Variants in ZMIZ2 observed in about 807,000 individuals in gnomAD.
The protein encoded by ZMIZ2 is zinc finger MIZ-type containing 2, also known as zinc finger MIZ domain-containing protein 2.
ZMIZ2 carries 26 observed loss-of-function variants against 93.9 expected under a neutral mutation model. That is an observed-to-expected ratio of 0.28 (90% CI 0.20 to 0.38). ZMIZ2 has a LOEUF of 0.38. ZMIZ2 is among the 10% of genes least tolerant of loss of function. ZMIZ2 has a pLI of 1.00. For synonymous variants in ZMIZ2, 485 were observed against 516.4 expected (o/e 0.94, Z 0.82); for missense variants, 1,023 against 1,235.0 (o/e 0.83, Z 2.57).
At chr7:44,762,074 A>G (rs1043428133) in intron 11 of ZMIZ2, among the ~76,000 whole-genome samples, 169 bp downstream of exon 11, 2 of 152,180 alleles carry the variant, frequency 1.3e-5, no homozygotes, top group African/African-American at 4.8e-5. Flanking sequence ...CCATCAGATC[A>G]TGCCGCCGTC....
chr7:44,759,168 A>T (rs1007193964), intron 6 of ZMIZ2, 113 bp from the exon 7 acceptor site: 85 of 968,412 alleles, frequency 8.8e-5, no homozygotes, highest in Non-Finnish European at 1.1e-4. Flanking sequence ...TCTTCAAGGG[A>T]ACCAGGAAAT....
chr7:44,766,115 G>A lies in ZMIZ2; in HGVS notation c.2243-49G>A. 1 of 1,537,966 alleles carries A rather than the reference G, an allele frequency of 6.5e-7. No homozygotes were observed. The highest frequency in any genetic ancestry group is 8.7e-7 in the Non-Finnish European group (1 of 1,148,038). On this transcript the variant is annotated intron_variant, in intron 16 of 18. Transcript: ENST00000309315. The surrounding 1 kb of genome is among the most constrained non-coding windows in gnomAD (Gnocchi z 4.4). ...AGCCTCCCTCCTGGCTCCTCTGCCA[G>A]CGGTGGCCTTCCCCAGCCCTCACCC...
chr7:44,765,269 A>C lies in ZMIZ2; in HGVS notation c.1998-66A>C. On this transcript the variant is annotated intron_variant, in intron 15 of 18. Transcript: ENST00000309315. This position sits in a 1 kb window ranked among gnomAD's most constrained non-coding sequence, Gnocchi z 4.1. ...TGCCTGGAAACAGCCCAGGGCTGGG[A>C]GGGGCAGTGGGTGCCGGGCCAGCAG... is the stretch of plus-strand genomic sequence containing the variant. 3 of 1,594,076 alleles carry C rather than the reference A, an allele frequency of 1.9e-6. No individual in the cohort carries two copies. The highest frequency in any genetic ancestry group is 2.6e-6 in the Non-Finnish European group (3 of 1,169,214).
In ZMIZ2 at chr7:44,762,927, C is replaced by T. The variant is rs759601701; in HGVS notation, c.1643C>T (p.Ser548Leu). Reference sequence around the variant, plus strand: ...CTAGTGCACCGCCCATCCGTCCGCTCGGTGCTGCAGGGCCTCCTCAAAAAG... The same window carrying T: ...CTAGTGCACCGCCCATCCGTCCGCTTGGTGCTGCAGGGCCTCCTCAAAAAG... ...LQLVHRPSVR[S>L]VLQGLLKKRL... Residue 548 changes from serine to leucine, a missense_variant, in exon 12 of 19, where the codon TCG (serine) becomes TTG (leucine). Ser to Leu is a moderately radical substitution (Grantham distance 145). This residue lies in a region of ZMIZ2 where 656 missense variants were observed against 777.1 expected (regional missense o/e 0.84). Coordinates refer to ENST00000309315, the MANE Select transcript of ZMIZ2 (RefSeq NM_031449.4). 6.8e-6 allele frequency: 11 copies of T among 1,613,108 alleles called. No homozygotes were observed. The highest frequency in any genetic ancestry group is 2.7e-5 in the African/African-American group (2 of 74,878).
intron 14 of ZMIZ2, 151 bp from the exon 15 acceptor site, chr7:44,764,790 G>A (rs1407093834): frequency 1.3e-6 from 1 of 770,328 alleles, no homozygotes; most frequent in Non-Finnish European, 2.1e-6. Flanking sequence ...CCTCACATAG[G>A]GTCAGCTCAC....
intron 7 of ZMIZ2, chr7:44,759,871 C>T (rs913506452): frequency 1.3e-5 from 7 of 527,092 alleles, no homozygotes. Context: ...GGTGCATGGG[C>T]AGAGCCTACC....
At position 44,761,020 on chromosome 7, in the gene ZMIZ2, G is replaced by A. The variant is rs1374208871; in HGVS notation, c.1240+427G>A. On this transcript the variant is annotated intron_variant, in intron 9 of 18. Transcript: ENST00000309315. The surrounding 1 kb of genome is among the most constrained non-coding windows in gnomAD (Gnocchi z 5.8). ...TAATTTCAGGGGATTTATGAACCCC[G>A]GAAGCCCATTCCAGGGAGACCACAG... Among the ~76,000 whole-genome samples the A allele has an allele frequency of 6.6e-6, 1 of 152,076 alleles. No individual in the cohort carries two copies. The highest frequency in any genetic ancestry group is 2.4e-5 in the African/African-American group (1 of 41,398).
rs1214860926 is a variant in ZMIZ2, at chr7:44,768,301, A to C, written c.*678A>C. 1.3e-5 allele frequency: 2 copies of C among 153,498 alleles called. No individual in the cohort carries two copies. Among genetic ancestry groups the C allele is most frequent in the Admixed American group, 6.5e-5 (1 of 15,332 alleles). 9.5% of individuals were successfully genotyped at this position (153,498 alleles called of 1,614,324 possible). On this transcript the variant is annotated 3_prime_UTR_variant, in exon 19 of 19. Transcript: ENST00000309315. ...GCTGGGAGAGGGGAGCCAGCTGTCC[A>C]GCCAGCATGTTCCTGTTGTACAGCC... is the stretch of plus-strand genomic sequence containing the variant.
intron 18 of ZMIZ2, among the ~76,000 whole-genome samples, chr7:44,767,194 G>A (rs1338255913): frequency 4.6e-5 from 7 of 152,178 alleles, no homozygotes; most frequent in Non-Finnish European, 8.8e-5. Context: ...TCACGGTGGG[G>A]ATCCCCACGC....
At position 44,748,896 on chromosome 7, in the gene ZMIZ2, C is replaced by G. The variant is rs952116952; in HGVS notation, c.-158C>G. 1.0e-4 allele frequency: 15 copies of G among 147,794 alleles called. No individual in the cohort carries two copies. Among genetic ancestry groups the G allele is most frequent in the African/African-American group, 3.7e-4 (15 of 40,964 alleles). 9.2% of individuals were successfully genotyped at this position (147,794 alleles called of 1,614,324 possible). A position where few individuals can be genotyped will look rare whatever the true frequency, so the allele number is the denominator to read the frequency against. ...GCGCGATGGCGCGGGTGGCGGCGGC[C>G]CCGGGGCGGCGGGCGGCGCGGAGGG... On this transcript the variant is annotated 5_prime_UTR_variant, in exon 1 of 19. Transcript: ENST00000309315.
Position 44,761,465 on chromosome 7 carries a change from C to T in ZMIZ2, c.1257C>T (p.Asp419=), listed in dbSNP as rs372237326. The T allele has an allele frequency of 3.3e-5, 53 of 1,613,460 alleles. No individual in the cohort carries two copies. The highest frequency in any genetic ancestry group is 3.3e-4 in the Middle Eastern group (2 of 6,084). Residue 419 remains aspartate, a synonymous_variant, in exon 10 of 19, where the codon GAC becomes GAT. Transcript: ENST00000309315. This position sits in a 1 kb window ranked among gnomAD's most constrained non-coding sequence, Gnocchi z 5.8. ...HSSPSGSGPC[D]ELRLTFPVRD... The stretch of plus-strand genomic sequence containing the variant: ...TGCTCCCAGGAAGCGGGCCTTGTGA[C>T]GAGTTGCGGCTGACCTTCCCTGTGC...
At chr7:44,760,656 A>G in intron 9 of ZMIZ2, 63 bp downstream of exon 9, 1 of 1,586,116 alleles carries the variant, frequency 6.3e-7, no homozygotes, top group African/African-American at 1.3e-5. Context: ...GGGGAATCAC[A>G]GGACTCCAGA....
At position 44,766,131 on chromosome 7, in the gene ZMIZ2, G is replaced by A. The variant is rs375630449; in HGVS notation, c.2243-33G>A. 4 of 1,575,140 alleles carry A rather than the reference G, an allele frequency of 2.5e-6. No individual in the cohort carries two copies. The highest frequency in any genetic ancestry group is 2.6e-6 in the Non-Finnish European group (3 of 1,163,496). ...CCTCTGCCAGCGGTGGCCTTCCCCA[G>A]CCCTCACCCAGGCCCCGACTCTCCT... On this transcript the variant is annotated intron_variant, in intron 16 of 18. Coordinates refer to ENST00000309315, the MANE Select transcript of ZMIZ2 (RefSeq NM_031449.4). This position sits in a 1 kb window ranked among gnomAD's most constrained non-coding sequence, Gnocchi z 4.4.
rs1218103779 is a variant in ZMIZ2 at position 44,760,216 on chromosome 7, T to C, written c.1059T>C (p.Pro353=). ...GGGGCAGCGTCAGCTACAGCCAACC[T>C]GGCCTGAGTGGGGTAGGGGGCCTGG... The part of the protein sequence containing the change: ...FNGGSVSYSQ[P]GLSGPTRSIP... Residue 353 remains proline, a synonymous_variant, in exon 8 of 19, where the codon CCT becomes CCC. Transcript: ENST00000309315. 1 of 1,612,768 alleles carries C rather than the reference T, an allele frequency of 6.2e-7. No individual in the cohort carries two copies. The highest frequency in any genetic ancestry group is 1.7e-5 in the Admixed American group (1 of 59,862).
intron 6 of ZMIZ2, among the ~76,000 whole-genome samples, 193 bp from the exon 7 acceptor site, chr7:44,759,084 TAAAA>T (rs71563954): frequency 2.1e-5 from 2 of 97,504 alleles, no homozygotes; most frequent in African/African-American, 4.2e-5. Context: ...TGTCTCAAAT[TAAAA>T]AAAAAAAAAA....
At position 44,766,461 on chromosome 7, in the gene ZMIZ2, G is replaced by A. The variant is rs147722869; in HGVS notation, c.2453G>A (p.Gly818Glu). The A allele has an allele frequency of 9.3e-6, 15 of 1,614,076 alleles. No individual in the cohort carries two copies. The African/African-American group carries it at 1.9e-4, about 20-fold the overall frequency. Residue 818 changes from glycine (G) to glutamate (E), a missense_variant, in exon 18 of 19, where the codon GGG (glycine) becomes GAG (glutamate). Around this residue, in one of 3 missense-constraint regions of ZMIZ2, gnomAD observed 319 missense variants for 358.8 expected, o/e 0.89. Coordinates refer to ENST00000309315, the MANE Select transcript of ZMIZ2 (RefSeq NM_031449.4). This position sits in a 1 kb window ranked among gnomAD's most constrained non-coding sequence, Gnocchi z 4.4. ...CACCTGGACCCCACTCACAATCCTG[G>A]GACACCAGGACTACACACCTCCAAC... ...AGHLDPTHNP[G>E]TPGLHTSNLG...
chr7:44,755,203 C>T (rs933641722), intron 1 of ZMIZ2, among the ~76,000 whole-genome samples: 1 of 152,208 alleles, frequency 6.6e-6, no homozygotes, highest in Non-Finnish European at 1.5e-5. Flanking sequence ...CTGTCCTGAG[C>T]ACCAGGTCAC....
At chr7:44,756,349 G>GCCAC in intron 2 of ZMIZ2, 50 bp downstream of exon 2, 1 of 1,613,924 alleles carries the variant, frequency 6.2e-7, no homozygotes, top group Non-Finnish European at 8.5e-7. Flanking sequence ...GTTGGGGGTG[G>GCCAC]CATTTCTGGA....
In ZMIZ2 at chr7:44,767,964, C is replaced by T. The variant is rs181839734; in HGVS notation, c.*341C>T. ...CACAGCCTCACACCTTGTCCTTCCA[C>T]CCCTGCCTGCCCCCACCCAGCCTGC... On this transcript the variant is annotated 3_prime_UTR_variant, in exon 19 of 19. Coordinates refer to ENST00000309315, the MANE Select transcript of ZMIZ2 (RefSeq NM_031449.4). 6.5e-4 allele frequency: 239 copies of T among 370,520 alleles called. 1 individual carries two copies. Among genetic ancestry groups the T allele is most frequent in the African/African-American group, 4.6e-3 (220 of 47,914 alleles). The allele number at this position is 370,520 out of a possible 1,614,324, so 23.0% of individuals were successfully genotyped here. A position where few individuals can be genotyped will look rare whatever the true frequency, so the allele number is the denominator to read the frequency against.
Sources: gnomAD v4.1 joint callset for allele counts (sites outside exome capture counted in the v4.1 genomes callset) on GRCh38, gnomAD v4.1.1 for gene constraint, gnomAD v4.1.1 regional missense constraint, Gnocchi (gnomAD v3.1) non-coding constraint, MANE v1.5 for transcripts, NCBI Gene and HGNC (gene_info 2026-07-23, HGNC 2026-07-21) for gene names.